The following ATP6V1C2 variants were observed in gnomAD, a reference collection of about 807,000 sequenced individuals.
ATP6V1C2 encodes V-type proton ATPase subunit C 2.
In ATP6V1C2, 45 loss-of-function variants were observed where a neutral mutation model predicts 56.8. That is an observed-to-expected ratio of 0.79 (90% CI 0.62 to 1.02). The LOEUF is 1.02. ATP6V1C2 is among the 50% of genes least tolerant of loss of function. ATP6V1C2 has a pLI of 0.00. For synonymous variants in ATP6V1C2, 220 were observed against 201.3 expected (o/e 1.09, Z -0.79); for missense variants, 463 against 519.7 (o/e 0.89, Z 1.06).
chr2:10,753,762 C>A (rs1663356567), intron 3 of ATP6V1C2, among the ~76,000 whole-genome samples: 1 of 152,048 alleles, frequency 6.6e-6, no homozygotes, highest in Admixed American at 6.5e-5. Context: ...ATCTCTTGAC[C>A]TAGTGATCCG....
At position 10,774,717 on chromosome 2, in the gene ATP6V1C2, G is replaced by A. The variant is rs946250320; in HGVS notation, c.639-71G>A. Reference sequence around the variant, plus strand: ...ACCCCAGGTGCAGGCCACCAGGCCCGGGGCCTCTGAGCCCCACTCCCGCAC... The same window carrying A: ...ACCCCAGGTGCAGGCCACCAGGCCCAGGGCCTCTGAGCCCCACTCCCGCAC... On this transcript the variant is annotated intron_variant, in intron 8 of 13. Coordinates refer to ENST00000272238, the MANE Select transcript of ATP6V1C2 (RefSeq NM_001039362.2). 1.3e-4 allele frequency: 181 copies of A among 1,379,170 alleles called. 2 individuals carry two copies. In the South Asian group the frequency reaches 1.6e-3, roughly 12 times the overall value. 85.4% of individuals were successfully genotyped at this position (1,379,170 alleles called of 1,614,324 possible).
intron 3 of ATP6V1C2, among the ~76,000 whole-genome samples, chr2:10,742,677 C>T (rs977874880): frequency 1.3e-5 from 2 of 152,150 alleles, no homozygotes; most frequent in African/African-American, 2.4e-5. Context: ...CCCCCCTCAC[C>T]GTTGGGATAG....
chr2:10,768,824 A>T lies in ATP6V1C2; in HGVS notation c.470+14A>T. The T allele has an allele frequency of 6.2e-7, 1 of 1,610,982 alleles. No homozygotes were observed. The highest frequency in any genetic ancestry group is 8.5e-7 in the Non-Finnish European group (1 of 1,177,594). The stretch of plus-strand genomic sequence containing the variant: ...AAAGAAATCCATGTGTGTATTTGCC[A>T]GCCTCCACATCTGGCGGGGGCAGGT... On this transcript the variant is annotated intron_variant, in intron 6 of 13. Transcript: ENST00000272238.
At chr2:10,748,607 T>C (rs1422032906) in intron 3 of ATP6V1C2, among the ~76,000 whole-genome samples, 4 of 152,174 alleles carry the variant, frequency 2.6e-5, no homozygotes, top group Admixed American at 2.6e-4. Flanking sequence ...GTCCATCTTT[T>C]ATGGGTTAAT....
At chr2:10,782,913 T>C (rs372194979) in intron 13 of ATP6V1C2, among the ~76,000 whole-genome samples, 14 of 148,026 alleles carry the variant, frequency 9.5e-5, no homozygotes, top group African/African-American at 3.2e-4. Context: ...CTTGGGAGTC[T>C]GAGGCAGGCA....
rs1247852739 is a variant in ATP6V1C2 at position 10,722,895 on chromosome 2, T to G, written c.46T>G (p.Leu16Val). ...LISAPGDKEN[L>V]QALERMNTVT... ...TTCTGCCCCTGGCGATAAGGAAAAT[T>G]TGCAAGCTCTGGAGAGGATGAATAC... Residue 16 changes from leucine to valine, a missense_variant, in exon 2 of 14, where the codon TTG (leucine) becomes GTG (valine). Physicochemically the swap from Leu to Val is conservative, Grantham distance 32. Coordinates refer to ENST00000272238, the MANE Select transcript of ATP6V1C2 (RefSeq NM_001039362.2). The G allele has an allele frequency of 6.2e-7, 1 of 1,613,916 alleles. No individual in the cohort carries two copies. The highest frequency in any genetic ancestry group is 1.3e-5 in the African/African-American group (1 of 74,880).
At chr2:10,735,284 C>T (rs1035083314) in intron 3 of ATP6V1C2, among the ~76,000 whole-genome samples, 5 of 152,066 alleles carry the variant, frequency 3.3e-5, no homozygotes, top group African/African-American at 9.7e-5. Flanking sequence ...AATCTCCTGC[C>T]TCAGCCTCCC....
At chr2:10,752,381 T>G (rs1391800686) in intron 3 of ATP6V1C2, among the ~76,000 whole-genome samples, 3 of 152,120 alleles carry the variant, frequency 2.0e-5, no homozygotes, top group Non-Finnish European at 4.4e-5. Flanking sequence ...GTGGCCAGCG[T>G]CTGCAGCAGT....
At chr2:10,773,014 C>T (rs1361218393) in intron 8 of ATP6V1C2, among the ~76,000 whole-genome samples, 2 of 152,222 alleles carry the variant, frequency 1.3e-5, no homozygotes, top group East Asian at 1.9e-4. Flanking sequence ...GCGGCCTCAG[C>T]GTGTGGCCTG....
At chr2:10,771,809 T>C in intron 6 of ATP6V1C2, 30 bp from the exon 7 acceptor site, 1 of 1,574,740 alleles carries the variant, frequency 6.4e-7, no homozygotes, top group Non-Finnish European at 8.7e-7. Flanking sequence ...GCTCACATCT[T>C]TCACACCCTT....
intron 5 of ATP6V1C2, among the ~76,000 whole-genome samples, chr2:10,765,999 C>T (rs1158604351): frequency 6.6e-6 from 1 of 152,228 alleles, no homozygotes; most frequent in Non-Finnish European, 1.5e-5. Flanking sequence ...TACTGTCCGC[C>T]TCATGCCATG....
chr2:10,776,175 C>A (rs1208632726), intron 10 of ATP6V1C2, among the ~76,000 whole-genome samples: 7 of 152,120 alleles, frequency 4.6e-5, no homozygotes, highest in African/African-American at 1.7e-4. Context: ...GTCTGTTTCC[C>A]TTTAGGGAGG....
In ATP6V1C2 at chr2:10,780,307, G is replaced by A. The variant is rs192110844; in HGVS notation, c.1061+1638G>A. Among the ~76,000 whole-genome samples, 45 of 152,182 alleles carry A rather than the reference G, an allele frequency of 3.0e-4. No homozygotes were observed. The highest frequency in any genetic ancestry group is 7.7e-4 in the East Asian group (4 of 5,178). Reference sequence around the variant, plus strand: ...ACCCCTGACAGGCCCGGTCCACTCCGCCTTTGCACTCTCTCTTTCACGGGT... The same window carrying A: ...ACCCCTGACAGGCCCGGTCCACTCCACCTTTGCACTCTCTCTTTCACGGGT... On this transcript the variant is annotated intron_variant, in intron 12 of 13. Coordinates refer to ENST00000272238, the MANE Select transcript of ATP6V1C2 (RefSeq NM_001039362.2). This position sits in a 1 kb window ranked among gnomAD's most constrained non-coding sequence, Gnocchi z 4.1.
intron 2 of ATP6V1C2, among the ~76,000 whole-genome samples, chr2:10,725,907 C>A (rs1041787043): frequency 3.3e-5 from 5 of 151,682 alleles, no homozygotes; most frequent in Admixed American, 2.6e-4. Context: ...TGGAGAAACC[C>A]TGTCTCTACT....
chr2:10,758,284 C>A lies in ATP6V1C2; in HGVS notation c.283+4218C>A, dbSNP rs1198858. On this transcript the variant is annotated intron_variant, in intron 4 of 13. Transcript: ENST00000272238. The stretch of plus-strand genomic sequence containing the variant: ...ATGTTTTACGCAAAATTAATGTAAC[C>A]TTAAGTTAGATGTTAGTATTATGCA... Among the ~76,000 whole-genome samples, 7 of 152,012 alleles carry A rather than the reference C, an allele frequency of 4.6e-5. 1 individual carries two copies. Among genetic ancestry groups the A allele is most frequent in the Non-Finnish European group, 7.4e-5 (5 of 67,990 alleles).
intron 4 of ATP6V1C2, among the ~76,000 whole-genome samples, 185 bp downstream of exon 4, chr2:10,754,251 CAG>C (rs1386549214): frequency 7.2e-5 from 11 of 152,070 alleles, no homozygotes; most frequent in Non-Finnish European, 1.5e-4. Flanking sequence ...TATTTTGAGA[CAG>C]AGTCTCCCTC....
At chr2:10,739,971 G>A (rs1384007340) in intron 3 of ATP6V1C2, among the ~76,000 whole-genome samples, 1 of 676 alleles carries the variant, frequency 1.5e-3, no homozygotes, top group Non-Finnish European at 9.8e-3. Context: ...GCTTGGTGGT[G>A]GGCAAGCTTG....
intron 12 of ATP6V1C2, among the ~76,000 whole-genome samples, chr2:10,779,481 G>A (rs1352066579): frequency 6.8e-6 from 1 of 147,506 alleles, no homozygotes; most frequent in African/African-American, 2.5e-5. Flanking sequence ...GTCATGGACT[G>A]TCGAGACCAG....
At chr2:10,771,148 A>G (rs1159699497) in intron 6 of ATP6V1C2, among the ~76,000 whole-genome samples, 1 of 152,190 alleles carries the variant, frequency 6.6e-6, no homozygotes, top group Non-Finnish European at 1.5e-5. Flanking sequence ...GGTGTTTCCC[A>G]TTGCCTTTAA....
Sources: allele counts gnomAD v4.1 joint callset (sites outside exome capture counted in the v4.1 genomes callset), GRCh38; gene constraint gnomAD v4.1.1; non-coding constraint Gnocchi (gnomAD v3.1); transcripts MANE v1.5; gene names NCBI Gene and HGNC (gene_info 2026-07-23, HGNC 2026-07-21).